The following ARHGAP6 variants were observed in gnomAD, a reference collection of about 807,000 sequenced individuals.
ARHGAP6 encodes the protein rho GTPase-activating protein 6.
A neutral mutation model predicts 55.7 loss-of-function variants in ARHGAP6; 16 were observed. The observed-to-expected ratio is 0.29, with a 90% CI of 0.19 to 0.44. ARHGAP6 has a LOEUF of 0.44. ARHGAP6 is among the 20% of genes least tolerant of loss of function. ARHGAP6 has a pLI of 1.00. For missense variants in ARHGAP6, 698 were observed against 808.9 expected (o/e 0.86, Z 1.66); for synonymous variants, 382 against 360.9 (o/e 1.06, Z -0.66).
At chrX:11,345,872 TG>T (rs2048775014) in intron 1 of ARHGAP6, among the ~76,000 whole-genome samples, 55 of 111,953 alleles carry the variant, frequency 4.9e-4, no homozygotes, top group Admixed American at 4.7e-3. Flanking sequence ...GTTGCAAAAG[TG>T]TGTAACCCCT....
intron 2 of ARHGAP6, among the ~76,000 whole-genome samples, chrX:11,209,711 C>G (rs2046762241): frequency 8.9e-6 from 1 of 111,854 alleles, no homozygotes; most frequent in Non-Finnish European, 1.9e-5. Context: ...TTTATTACCT[C>G]TCAAAATAGC....
chrX:11,544,794 G>T (rs997965066), intron 1 of ARHGAP6, among the ~76,000 whole-genome samples: 3 of 112,112 alleles, frequency 2.7e-5, no homozygotes, highest in African/African-American at 6.5e-5. Context: ...GTGGTAAGAA[G>T]ATCAAACATT....
chrX:11,472,006 C>A (rs192027399), intron 1 of ARHGAP6, among the ~76,000 whole-genome samples: 1 of 112,302 alleles, frequency 8.9e-6, no homozygotes, highest in Non-Finnish European at 1.9e-5. Flanking sequence ...GACAGAGCAA[C>A]GAACAAGACA....
chrX:11,635,219 G>A (rs2052404775), intron 1 of ARHGAP6, among the ~76,000 whole-genome samples: 1 of 111,887 alleles, frequency 8.9e-6, no homozygotes, highest in East Asian at 2.8e-4. Context: ...CAAGTTATAC[G>A]GAGGGGATTA....
At chrX:11,310,134 C>G (rs2147598635) in intron 1 of ARHGAP6, among the ~76,000 whole-genome samples, 1 of 93,404 alleles carries the variant, frequency 1.1e-5, no homozygotes, top group South Asian at 5.7e-4. Flanking sequence ...GCATTCCAAC[C>G]TAAGTGACAG....
intron 9 of ARHGAP6, among the ~76,000 whole-genome samples, chrX:11,164,242 G>T (rs772292052): frequency 5.3e-5 from 6 of 112,453 alleles, no homozygotes; most frequent in African/African-American, 1.9e-4. Flanking sequence ...GAGGCATCAT[G>T]CTGTAGAAAT....
chrX:11,659,768 G>C (rs183455956), intron 1 of ARHGAP6, among the ~76,000 whole-genome samples: 11 of 111,770 alleles, frequency 9.8e-5, no homozygotes, highest in Non-Finnish European at 1.7e-4. Flanking sequence ...GGGGCCACTG[G>C]AAAAGGAACC....
chrX:11,263,637 T>C (rs965460287), intron 1 of ARHGAP6, among the ~76,000 whole-genome samples: 15 of 110,675 alleles, frequency 1.4e-4, no homozygotes, highest in African/African-American at 4.9e-4. Context: ...GCACCAACCC[T>C]TAAGGAGGTG....
intron 1 of ARHGAP6, among the ~76,000 whole-genome samples, chrX:11,304,827 G>A (rs1368698084): frequency 2.7e-5 from 2 of 74,581 alleles, no homozygotes; most frequent in East Asian, 4.2e-4. Context: ...TCGCTCTGTC[G>A]CCAGGCTGGA....
intron 1 of ARHGAP6, among the ~76,000 whole-genome samples, chrX:11,466,969 G>A (rs1182872051): frequency 8.0e-5 from 9 of 112,612 alleles, no homozygotes; most frequent in African/African-American, 2.9e-4. Context: ...GAACACTTAT[G>A]TCTCAAAATA....
intron 1 of ARHGAP6, among the ~76,000 whole-genome samples, chrX:11,512,048 G>A (rs932207647): frequency 1.8e-5 from 2 of 111,047 alleles, no homozygotes; most frequent in Non-Finnish European, 3.8e-5. Context: ...GGATGGTCTT[G>A]ATCTCCTGAC....
intron 1 of ARHGAP6, among the ~76,000 whole-genome samples, chrX:11,317,167 G>A (rs2048369160): frequency 8.9e-6 from 1 of 112,454 alleles, no homozygotes; most frequent in South Asian, 3.7e-4. Flanking sequence ...TTCCTAGAAT[G>A]TAAGTGAGTT....
chrX:11,655,642 G>A (rs753997994), intron 1 of ARHGAP6, among the ~76,000 whole-genome samples: 51 of 112,007 alleles, frequency 4.6e-4, no homozygotes, highest in African/African-American at 1.5e-3. Flanking sequence ...TGAAAACATC[G>A]TTCTTTACCA....
intron 5 of ARHGAP6, among the ~76,000 whole-genome samples, chrX:11,185,142 CTGTGTGTGTGTG>C (rs3990773): frequency 4.0e-4 from 38 of 95,978 alleles, no homozygotes; most frequent in African/African-American, 1.1e-3. Flanking sequence ...TGGTGCATGA[CTGTGTGTGTGTG>C]TGTGTGTGTG....
At chrX:11,651,678 G>T (rs776881536) in intron 1 of ARHGAP6, among the ~76,000 whole-genome samples, 2 of 111,904 alleles carry the variant, frequency 1.8e-5, no homozygotes, top group Non-Finnish European at 3.8e-5. Context: ...GCTGGGGTTA[G>T]ATGGTAATTC....
chrX:11,649,632 C>T (rs184549476), intron 1 of ARHGAP6, among the ~76,000 whole-genome samples: 7 of 112,160 alleles, frequency 6.2e-5, no homozygotes, highest in Admixed American at 1.9e-4. Flanking sequence ...TTTGGGAAAA[C>T]TCAGACTAAG....
chrX:11,537,146 G>A lies in ARHGAP6; in HGVS notation c.588+127095C>T, dbSNP rs1371704617. Among the ~76,000 whole-genome samples the A allele has an allele frequency of 4.5e-5, 5 of 112,308 alleles. No homozygotes were observed. In the Admixed American group the frequency reaches 4.7e-4, roughly 11 times the overall value. ...GATAACCCAGCCTATTTACAATTAG[G>A]AATGGCTATGTGAATAAATTCTAAA... On this transcript the variant is annotated intron_variant, in intron 1 of 12. Coordinates refer to ENST00000337414, the MANE Select transcript of ARHGAP6 (RefSeq NM_013427.3).
chrX:11,333,119 C>T (rs905801171), intron 1 of ARHGAP6, among the ~76,000 whole-genome samples: 2 of 111,803 alleles, frequency 1.8e-5, no homozygotes, highest in African/African-American at 6.5e-5. Context: ...AAGGCTATGG[C>T]GTCATTAGAA....
chrX:11,415,830 G>A (rs888197911), intron 1 of ARHGAP6, among the ~76,000 whole-genome samples: 17 of 112,039 alleles, frequency 1.5e-4, no homozygotes, highest in Admixed American at 1.5e-3. Flanking sequence ...ATTGACAGAA[G>A]AGCCTTGACA....
Sources: gnomAD v4.1 joint callset for allele counts (sites outside exome capture counted in the v4.1 genomes callset) on GRCh38, gnomAD v4.1.1 for gene constraint, MANE v1.5 for transcripts, NCBI Gene and HGNC (gene_info 2026-07-23, HGNC 2026-07-21) for gene names.